SMARCAL1: variants seen among roughly 807,000 people sequenced by gnomAD.
SMARCAL1 encodes ATP-driven annealing helicase.
SMARCAL1 carries 58 observed loss-of-function variants against 94.5 expected under a neutral mutation model. The ratio of observed to expected loss-of-function variants is 0.61; its 90% CI spans 0.50 to 0.76. SMARCAL1 has a LOEUF of 0.76. Among genes scored for constraint, SMARCAL1 ranks in the 30% least tolerant of loss-of-function variants. The pLI is 0.00. For missense variants in SMARCAL1, 1,051 were observed against 1,177.9 expected (o/e 0.89, Z 1.58); for synonymous variants, 422 against 455.1 (o/e 0.93, Z 0.93).
chr2:216,417,286 G>A (rs925679681), intron 4 of SMARCAL1, among the ~76,000 whole-genome samples: 4 of 152,202 alleles, frequency 2.6e-5, no homozygotes, highest in Non-Finnish European at 4.4e-5. Flanking sequence ...TTCTTTGGTA[G>A]CTGCTAGTGT....
intron 4 of SMARCAL1, among the ~76,000 whole-genome samples, chr2:216,420,028 C>CAAAAAAAAAAAAAAAAAAAAAA (rs60555710): frequency 2.5e-5 from 1 of 40,172 alleles, no homozygotes; most frequent in Non-Finnish European, 5.2e-5. Flanking sequence ...GACCCCGTCT[C>CAAAAAAAAAAAAAAAAAAAAAA]AAAAAAAAAA....
intron 9 of SMARCAL1, among the ~76,000 whole-genome samples, chr2:216,438,187 T>C (rs533966173): frequency 3.3e-5 from 5 of 152,316 alleles, no homozygotes; most frequent in South Asian, 2.1e-4. Flanking sequence ...TCCCACTTTA[T>C]AGATGGAAAA....
intron 14 of SMARCAL1, among the ~76,000 whole-genome samples, chr2:216,474,493 G>A (rs910899849): frequency 3.4e-5 from 5 of 146,346 alleles, no homozygotes; most frequent in African/African-American, 9.9e-5. Flanking sequence ...AGTGGCTCAC[G>A]CCTGTAATCC....
intron 12 of SMARCAL1, among the ~76,000 whole-genome samples, chr2:216,462,155 A>G (rs1375246512): frequency 6.6e-6 from 1 of 152,216 alleles, no homozygotes; most frequent in Non-Finnish European, 1.5e-5. Flanking sequence ...TTGTTTCTTC[A>G]TACTCTCATC....
intron 7 of SMARCAL1, 90 bp downstream of exon 7, chr2:216,428,872 CT>C: frequency 8.4e-7 from 1 of 1,197,578 alleles, no homozygotes; most frequent in Non-Finnish European, 1.2e-6. Context: ...GTTTTATGAA[CT>C]TTTATTTACC....
At chr2:216,412,946 G>A (rs1393799774) in intron 1 of SMARCAL1, 2 of 152,418 alleles carry the variant, frequency 1.3e-5, no homozygotes, top group Admixed American at 1.3e-4. Flanking sequence ...GGTTAGTGGA[G>A]ACAGCTTACC....
Position 216,475,734 on chromosome 2 carries a change from C to T in SMARCAL1, c.2427+283C>T, listed in dbSNP as rs958964071. Among the ~76,000 whole-genome samples the T allele has an allele frequency of 6.6e-6, 1 of 152,102 alleles. No individual in the cohort carries two copies. The highest frequency in any genetic ancestry group is 2.4e-5 in the African/African-American group (1 of 41,410). ...GGTTCAAGCGATTCCCCTGCCTCAGCCTCCCGAGTAGCTAGGATTACAGGT... is the reference window on the plus strand; with the variant it reads ...GGTTCAAGCGATTCCCCTGCCTCAGTCTCCCGAGTAGCTAGGATTACAGGT... On this transcript the variant is annotated intron_variant, in intron 15 of 17. Transcript: ENST00000357276. This position sits in a 1 kb window ranked among gnomAD's most constrained non-coding sequence, Gnocchi z 4.4.
At chr2:216,470,645 G>A (rs909054070) in intron 14 of SMARCAL1, among the ~76,000 whole-genome samples, 26 of 151,536 alleles carry the variant, frequency 1.7e-4, no homozygotes, top group Admixed American at 1.2e-3. Flanking sequence ...GTACCACCAC[G>A]CCTTGCAAAT....
chr2:216,418,864 A>T lies in SMARCAL1; in HGVS notation c.863-1435A>T, dbSNP rs920901965. Among the ~76,000 whole-genome samples, 6 of 152,216 alleles carry T rather than the reference A, an allele frequency of 3.9e-5. No homozygotes were observed. The East Asian group carries it at 1.2e-3, about 29-fold the overall frequency. On this transcript the variant is annotated intron_variant, in intron 4 of 17. Transcript: ENST00000357276. Reference sequence around the variant, plus strand: ...TGATGAAAATGTGTCCATTATCATAATGGGCCATTTTGACCTTCAAGAAAT... The same window carrying T: ...TGATGAAAATGTGTCCATTATCATATTGGGCCATTTTGACCTTCAAGAAAT...
chr2:216,446,820 C>T, intron 10 of SMARCAL1, 198 bp from the exon 11 acceptor site: 2 of 686,274 alleles, frequency 2.9e-6, no homozygotes, highest in Non-Finnish European at 5.3e-6. Context: ...GGATAGAGCT[C>T]AGCAGAGGGC....
chr2:216,414,574 G>C, intron 2 of SMARCAL1, 73 bp from the exon 3 acceptor site: 1 of 815,432 alleles, frequency 1.2e-6, no homozygotes, highest in Non-Finnish European at 2.0e-6. Flanking sequence ...ACAAAAGCTT[G>C]TTAAAATCAT....
Position 216,416,326 on chromosome 2 carries a change from G to A in SMARCAL1, c.862+19G>A, listed in dbSNP as rs757189841. ...GCCCTGAGTAAGTAGACACATGGTT[G>A]TCTCATGGAGGGTGGCACTGGTGCT... On this transcript the variant is annotated intron_variant, in intron 4 of 17. Coordinates refer to ENST00000357276, the MANE Select transcript of SMARCAL1 (RefSeq NM_014140.4). 3.7e-6 allele frequency: 6 copies of A among 1,603,908 alleles called. No homozygotes were observed. In the East Asian group the frequency reaches 1.3e-4, roughly 36 times the overall value.
intron 13 of SMARCAL1, among the ~76,000 whole-genome samples, chr2:216,467,073 G>A (rs1296778224): frequency 2.0e-5 from 3 of 152,190 alleles, no homozygotes; most frequent in Non-Finnish European, 4.4e-5. Flanking sequence ...CCTCTTCAGG[G>A]AGCTACCAGG....
chr2:216,415,846 G>A (rs574382323), intron 3 of SMARCAL1: 157 of 414,634 alleles, frequency 3.8e-4, no homozygotes, highest in Non-Finnish European at 6.4e-4. Flanking sequence ...AGTTTTTAAG[G>A]TGATGGAACT....
Position 216,416,427 on chromosome 2 carries a change from AC to A in SMARCAL1, c.862+128del, listed in dbSNP as rs3214962. On this transcript the variant is annotated intron_variant, in intron 4 of 17. Transcript: ENST00000357276. ...TACAGGTGGTGAAAGCTTTCAGGGC[AC>A]CCCCCCCAACACTCCTTCCCACTCT... 0.66 allele frequency: 516,159 copies of A among 777,324 alleles called. 175,235 individuals are homozygous for A. The highest frequency in any genetic ancestry group is 0.88 in the African/African-American group (51,535 of 58,698). 48.2% of individuals were successfully genotyped at this position (777,324 alleles called of 1,614,324 possible). A position where few individuals can be genotyped will look rare whatever the true frequency, so the allele number is the denominator to read the frequency against.
intron 12 of SMARCAL1, chr2:216,451,335 CA>C (rs1694445732): frequency 2.1e-6 from 1 of 467,922 alleles, no homozygotes; most frequent in Non-Finnish European, 3.9e-6. Flanking sequence ...GGGTGGTGAT[CA>C]ATATTCCGAA....
chr2:216,451,310 G>A (rs1694445143), intron 12 of SMARCAL1: 1 of 511,066 alleles, frequency 2.0e-6, no homozygotes, highest in South Asian at 2.0e-5. Context: ...ATAAAGATAA[G>A]CACAGGCAAC....
chr2:216,469,522 G>A (rs948571772), intron 14 of SMARCAL1, among the ~76,000 whole-genome samples: 1 of 151,988 alleles, frequency 6.6e-6, no homozygotes, highest in African/African-American at 2.4e-5. Context: ...CTGACCTCAT[G>A]ATCCGCCCGC....
intron 3 of SMARCAL1, 51 bp downstream of exon 3, chr2:216,415,566 G>A: frequency 1.4e-6 from 2 of 1,463,386 alleles, no homozygotes; most frequent in Non-Finnish European, 1.9e-6. Flanking sequence ...TATTTTTGGA[G>A]TCTCTTTTAA....
Sources: allele counts gnomAD v4.1 joint callset (sites outside exome capture counted in the v4.1 genomes callset), GRCh38; gene constraint gnomAD v4.1.1; non-coding constraint Gnocchi (gnomAD v3.1); transcripts MANE v1.5; gene names NCBI Gene and HGNC (gene_info 2026-07-23, HGNC 2026-07-21).